The following PCDHGA1 variants were observed in gnomAD, a reference collection of about 807,000 sequenced individuals.
PCDHGA1 encodes the protein protocadherin gamma-A1.
PCDHGA1 carries 32 observed loss-of-function variants against 58.0 expected under a neutral mutation model. The ratio of observed to expected loss-of-function variants is 0.55; its 90% CI spans 0.42 to 0.74. The LOEUF is 0.74. Ranked by LOEUF, PCDHGA1 falls within the 30% of genes least tolerant of loss-of-function variation. PCDHGA1 has a pLI of 0.00. For missense variants in PCDHGA1, 1,205 were observed against 1,182.3 expected, an observed-to-expected ratio of 1.02 and a Z score of -0.28; for synonymous variants, 498 against 501.1, an observed-to-expected ratio of 0.99 and a Z score of 0.08.
At chr5:141,340,085 C>T (rs1756904945) in intron 1 of PCDHGA1, 1 of 1,613,892 alleles carries the variant, frequency 6.2e-7, no homozygotes, top group Non-Finnish European at 8.5e-7. Context: ...TTTTAATGTA[C>T]ATGATAGAGA....
At chr5:141,359,674 C>T (rs1431712939) in intron 1 of PCDHGA1, among the ~76,000 whole-genome samples, 1 of 151,866 alleles carries the variant, frequency 6.6e-6, no homozygotes, top group Admixed American at 6.6e-5. Context: ...AATCCGTTGC[C>T]CTATACAAGA....
chr5:141,432,632 G>A lies in PCDHGA1; in HGVS notation c.2422-62175G>A. 3.7e-6 allele frequency: 6 copies of A among 1,612,834 alleles called. No individual in the cohort carries two copies. The highest frequency in any genetic ancestry group is 5.1e-6 in the Non-Finnish European group (6 of 1,179,706). On this transcript the variant is annotated intron_variant, in intron 1 of 3. Coordinates refer to ENST00000517417, the MANE Select transcript of PCDHGA1 (RefSeq NM_018912.3). The surrounding 1 kb of genome is among the most constrained non-coding windows in gnomAD (Gnocchi z 6.0). ...CTTCTCGGTGGGTCTGCACACGGGC[G>A]AGGTGCGCACGGCGCGAGCCCTGCT...
intron 1 of PCDHGA1, chr5:141,364,834 G>T: frequency 6.2e-7 from 1 of 1,613,982 alleles, no homozygotes. Context: ...ACTCTCTCCG[G>T]AGTTACCAGC....
chr5:141,496,533 G>A (rs2099769399), intron 2 of PCDHGA1, among the ~76,000 whole-genome samples: 2 of 152,176 alleles, frequency 1.3e-5, no homozygotes, highest in Admixed American at 1.3e-4. Context: ...GTGTATGGCA[G>A]AGATTCCAGC....
In PCDHGA1 at chr5:141,394,565, T is replaced by C. The variant is rs199836246; in HGVS notation, c.2421+61460T>C. ...AGCTGGCGCCCCGCTCCGCAGAGCG[T>C]GGCTACCTGGTGACCAAGGTGGTGG... On this transcript the variant is annotated intron_variant, in intron 1 of 3. Transcript: ENST00000517417. The C allele has an allele frequency of 4.7e-3, 7,555 of 1,612,722 alleles. 48 individuals carry two copies. The highest frequency in any genetic ancestry group is 9.5e-3 in the Admixed American group (567 of 59,986).
At chr5:141,350,553 AG>A (rs1265206286) in intron 1 of PCDHGA1, 1 of 1,613,934 alleles carries the variant, frequency 6.2e-7, no homozygotes, top group African/African-American at 1.3e-5. Context: ...AGGAAACTTG[AG>A]TGTGCACTAG....
At chr5:141,442,006 G>T (rs540427406) in intron 1 of PCDHGA1, 2 of 229,074 alleles carry the variant, frequency 8.7e-6, no homozygotes, top group South Asian at 4.9e-5. Flanking sequence ...CTGACAGCTC[G>T]CACGATGGGC....
chr5:141,482,245 G>A (rs72790067), intron 1 of PCDHGA1, among the ~76,000 whole-genome samples: 74 of 152,252 alleles, frequency 4.9e-4, no homozygotes, highest in Non-Finnish European at 7.9e-4. Flanking sequence ...TATAAGTATA[G>A]TACTGTACAT....
chr5:141,393,881 G>A (rs1003319572), intron 1 of PCDHGA1: 33 of 1,613,978 alleles, frequency 2.0e-5, no homozygotes, highest in Non-Finnish European at 2.8e-5. Context: ...TTAGCCCAGT[G>A]TTAGAAAATT....
Position 141,485,243 on chromosome 5 carries a change from C to A in PCDHGA1, c.2422-9564C>A. ...TACCCTTTTGTTCCTCTTTTACCACCTGGGTTACGTTTGTGGGCAGATCCG... is the reference window on the plus strand; with the variant it reads ...TACCCTTTTGTTCCTCTTTTACCACATGGGTTACGTTTGTGGGCAGATCCG... On this transcript the variant is annotated intron_variant, in intron 1 of 3. Transcript: ENST00000517417. This position sits in a 1 kb window ranked among gnomAD's most constrained non-coding sequence, Gnocchi z 5.7. 1 of 1,614,180 alleles carries A rather than the reference C, an allele frequency of 6.2e-7. No homozygotes were observed. The highest frequency in any genetic ancestry group is 8.5e-7 in the Non-Finnish European group (1 of 1,180,000).
At chr5:141,416,589 TTA>T (rs1386515449) in intron 1 of PCDHGA1, 2 of 151,996 alleles carry the variant, frequency 1.3e-5, no homozygotes, top group African/African-American at 4.8e-5. Context: ...CAAAATAAAC[TTA>T]GAGTCAAGAA....
chr5:141,489,381 T>A lies in PCDHGA1; in HGVS notation c.2422-5426T>A. 1 of 1,613,894 alleles carries A rather than the reference T, an allele frequency of 6.2e-7. No homozygotes were observed. The highest frequency in any genetic ancestry group is 8.5e-7 in the Non-Finnish European group (1 of 1,179,802). ...CTGAGCCGGGGACGCTGGTGGGGAATGTTGCTCAGGATCTGGGCTTAAAGA... is the reference window on the plus strand; with the variant it reads ...CTGAGCCGGGGACGCTGGTGGGGAAAGTTGCTCAGGATCTGGGCTTAAAGA... On this transcript the variant is annotated intron_variant, in intron 1 of 3. Transcript: ENST00000517417. The surrounding 1 kb of genome is among the most constrained non-coding windows in gnomAD (Gnocchi z 4.5).
chr5:141,437,377 A>G (rs1021305426), intron 1 of PCDHGA1, among the ~76,000 whole-genome samples: 3 of 152,246 alleles, frequency 2.0e-5, no homozygotes, highest in Non-Finnish European at 2.9e-5. Flanking sequence ...AATCAGTCAG[A>G]AGACATTCAT....
Position 141,349,867 on chromosome 5 carries a change from T to C in PCDHGA1, c.2421+16762T>C, listed in dbSNP as rs149865031. On this transcript the variant is annotated intron_variant, in intron 1 of 3. Coordinates refer to ENST00000517417, the MANE Select transcript of PCDHGA1 (RefSeq NM_018912.3). ...TTTTAAATGAAAAAAGAATACGAAA[T>C]GATGAAGGCCCTTATCTGATGATGA... 4.0e-3 allele frequency among the ~76,000 whole-genome samples: 616 copies of C among 152,136 alleles called. 6 individuals are homozygous for C. Among genetic ancestry groups the C allele is most frequent in the Admixed American group, 0.011 (174 of 15,278 alleles).
chr5:141,453,869 G>A (rs887544235), intron 1 of PCDHGA1, among the ~76,000 whole-genome samples: 9 of 152,144 alleles, frequency 5.9e-5, no homozygotes, highest in Non-Finnish European at 1.2e-4. Context: ...TAACAGATGA[G>A]CAAAATAATG....
chr5:141,476,803 T>G lies in PCDHGA1; in HGVS notation c.2422-18004T>G, dbSNP rs756358461. 3 of 1,613,688 alleles carry G rather than the reference T, an allele frequency of 1.9e-6. No individual in the cohort carries two copies. The highest frequency in any genetic ancestry group is 2.2e-5 in the South Asian group (2 of 91,092). ...CCCCAGCTCTCTCCGCCAGCCTGCCTATTCACATCAAGGTGCTGGACGCGA... is the reference window on the plus strand; with the variant it reads ...CCCCAGCTCTCTCCGCCAGCCTGCCGATTCACATCAAGGTGCTGGACGCGA... On this transcript the variant is annotated intron_variant, in intron 1 of 3. Transcript: ENST00000517417. The surrounding 1 kb of genome is among the most constrained non-coding windows in gnomAD (Gnocchi z 7.6).
intron 2 of PCDHGA1, among the ~76,000 whole-genome samples, chr5:141,504,713 G>A (rs1443171981): frequency 1.3e-5 from 2 of 151,850 alleles, no homozygotes; most frequent in African/African-American, 2.4e-5. Context: ...TATGGCCGTG[G>A]ATTTTACTCT....
intron 1 of PCDHGA1, chr5:141,339,659 G>C: frequency 6.2e-7 from 1 of 1,614,170 alleles, no homozygotes; most frequent in East Asian, 2.2e-5. Flanking sequence ...CCGCATCTGC[G>C]TGAAGGTCCT....
chr5:141,462,078 C>T (rs2154567608), intron 1 of PCDHGA1, among the ~76,000 whole-genome samples: 1 of 152,304 alleles, frequency 6.6e-6, no homozygotes, highest in East Asian at 1.9e-4. Flanking sequence ...CCGCCTTGGC[C>T]TCCCAAAATG....
Sources: gnomAD v4.1 joint callset for allele counts (sites outside exome capture counted in the v4.1 genomes callset) on GRCh38, gnomAD v4.1.1 for gene constraint, Gnocchi (gnomAD v3.1) non-coding constraint, MANE v1.5 for transcripts, NCBI Gene and HGNC (gene_info 2026-07-23, HGNC 2026-07-21) for gene names.